XIRP2: variants seen among roughly 807,000 people sequenced by gnomAD.
XIRP2 encodes xin actin-binding repeat-containing protein 2.
In XIRP2, 236 loss-of-function variants were observed where a neutral mutation model predicts 277.0. The ratio of observed to expected loss-of-function variants is 0.85; its 90% CI spans 0.77 to 0.95. XIRP2 has a LOEUF of 0.95. Ranked by LOEUF, XIRP2 falls within the 40% of genes least tolerant of loss-of-function variation. XIRP2 has a pLI of 0.00. For synonymous variants in XIRP2, 1,490 were observed against 1,416.5 expected, an observed-to-expected ratio of 1.05 and a Z score of -1.17; for missense variants, 4,640 against 4,157.5, an observed-to-expected ratio of 1.12 and a Z score of -3.19.
At chr2:167,052,777 G>A (rs971625373) in intron 2 of XIRP2, among the ~76,000 whole-genome samples, 1 of 152,024 alleles carries the variant, frequency 6.6e-6, no homozygotes, top group Non-Finnish European at 1.5e-5. Context: ...TTTTTGTGAG[G>A]CCCAAAAGAC....
chr2:167,078,102 A>G (rs1168997106), intron 2 of XIRP2, among the ~76,000 whole-genome samples: 1 of 152,142 alleles, frequency 6.6e-6, no homozygotes, highest in Non-Finnish European at 1.5e-5. Context: ...GATTCTTCCA[A>G]TCCATGAGCA....
intron 2 of XIRP2, among the ~76,000 whole-genome samples, chr2:167,074,080 A>C (rs1160087712): frequency 3.3e-5 from 5 of 152,150 alleles, no homozygotes; most frequent in African/African-American, 1.2e-4. Flanking sequence ...TATGGGAGAA[A>C]AAACTTTAGA....
intron 2 of XIRP2, among the ~76,000 whole-genome samples, chr2:166,976,731 C>CA (rs200187750): frequency 7.8e-4 from 118 of 152,058 alleles, no homozygotes; most frequent in Middle Eastern, 3.4e-3. Flanking sequence ...AAAACAAAAA[C>CA]AAAAAAACTA....
intron 2 of XIRP2, among the ~76,000 whole-genome samples, chr2:167,027,343 T>G (rs1183989946): frequency 6.6e-6 from 1 of 152,176 alleles, no homozygotes; most frequent in Non-Finnish European, 1.5e-5. Flanking sequence ...AAGCCTTGGC[T>G]TTCAGCTCCA....
chr2:167,011,484 T>C (rs1023609424), intron 2 of XIRP2, among the ~76,000 whole-genome samples: 3 of 151,886 alleles, frequency 2.0e-5, no homozygotes, highest in South Asian at 2.1e-4. Flanking sequence ...CAGTATTTTA[T>C]TGAGGATTTT....
At chr2:167,210,086 A>T (rs1200774916) in intron 3 of XIRP2, among the ~76,000 whole-genome samples, 1 of 152,306 alleles carries the variant, frequency 6.6e-6, no homozygotes, top group South Asian at 2.1e-4. Context: ...GCTGTTTCTA[A>T]TGATACTATT....
chr2:167,029,089 G>A (rs10930261), intron 2 of XIRP2, among the ~76,000 whole-genome samples: 4,583 of 152,002 alleles, frequency 0.03, 80 homozygotes, highest in East Asian at 0.082. Flanking sequence ...TCTCAAAAGG[G>A]CAAACCTATG....
At chr2:167,114,669 C>G (rs1362954645) in intron 2 of XIRP2, among the ~76,000 whole-genome samples, 2 of 146,548 alleles carry the variant, frequency 1.4e-5, no homozygotes, top group Non-Finnish European at 3.0e-5. Context: ...TTGTTCAGTT[C>G]CCATCTATGA....
At chr2:167,079,599 C>T (rs1384961071) in intron 2 of XIRP2, among the ~76,000 whole-genome samples, 1 of 151,974 alleles carries the variant, frequency 6.6e-6, no homozygotes, top group Non-Finnish European at 1.5e-5. Flanking sequence ...TATCCATTTC[C>T]TCTCAACTTC....
At chr2:167,071,035 T>C (rs6742332) in intron 2 of XIRP2, among the ~76,000 whole-genome samples, 46,516 of 152,026 alleles carry the variant, frequency 0.31, 9,884 homozygotes, top group African/African-American at 0.61. Context: ...GTTTTCCCAA[T>C]AGCAAACCTC....
In XIRP2 at chr2:167,249,019, C is replaced by A. The variant is rs771805164; in HGVS notation, c.7627C>A (p.Pro2543Thr). ...ACCTTATATGAGAAAATTTAAGACA[C>A]CTTTAATGATTGCTGAAGAAAAATA... The part of the protein sequence containing the change: ...PKPYMRKFKT[P>T]LMIAEEKYRQ... The change falls in exon 9 of 11, where the codon CCT becomes ACT. Residue 2543 changes from proline (P) to threonine (T), a missense_variant. Pro to Thr is a conservative substitution (Grantham distance 38). Coordinates refer to ENST00000409195, the MANE Select transcript of XIRP2 (RefSeq NM_152381.6). The A allele has an allele frequency of 1.9e-6, 3 of 1,611,558 alleles. No individual in the cohort carries two copies. The highest frequency in any genetic ancestry group is 3.4e-5 in the Admixed American group (2 of 59,458).
chr2:167,248,300 C>T lies in XIRP2; in HGVS notation c.6908C>T (p.Ser2303Leu). ...CCTCCTCCACCACCTTCTAATGCAT[C>T]ATCTGAAATTGAATTTCCTCTTCCT... is the stretch of plus-strand genomic sequence containing the variant. ...SPPPPPPSNA[S>L]SEIEFPLPPP... is the part of the protein sequence containing the mutation. Residue 2303 changes from serine to leucine, a missense_variant, in exon 9 of 11, where the codon TCA (serine) becomes TTA (leucine). Transcript: ENST00000409195. The T allele has an allele frequency of 6.2e-7, 1 of 1,613,688 alleles. No homozygotes were observed. Among genetic ancestry groups the T allele is most frequent in the South Asian group, 1.1e-5 (1 of 91,074 alleles).
chr2:167,201,188 GAGAAAGAAAGAAAGAA>G (rs58329001), intron 3 of XIRP2, among the ~76,000 whole-genome samples: 11,350 of 79,252 alleles, frequency 0.14, 1,093 homozygotes, highest in Middle Eastern at 0.19. Flanking sequence ...AAGAGAGAGA[GAGAAAGAAAGAAAGAA>G]AGAAAGAAAG....
chr2:166,937,349 G>A (rs1336528437), intron 2 of XIRP2, among the ~76,000 whole-genome samples: 2 of 152,172 alleles, frequency 1.3e-5, no homozygotes, highest in African/African-American at 4.8e-5. Context: ...AGATAATCAT[G>A]TGGTTTTGGT....
chr2:167,158,126 C>G (rs1461326729), intron 3 of XIRP2, among the ~76,000 whole-genome samples: 3 of 152,174 alleles, frequency 2.0e-5, no homozygotes. Context: ...TTGTATGTGT[C>G]TTCTCAGGTT....
At chr2:167,202,109 T>C (rs576100021) in intron 3 of XIRP2, among the ~76,000 whole-genome samples, 56 of 152,206 alleles carry the variant, frequency 3.7e-4, no homozygotes, top group African/African-American at 1.2e-3. Flanking sequence ...CTGATTGTAC[T>C]AGAGAAATGT....
intron 2 of XIRP2, among the ~76,000 whole-genome samples, chr2:166,987,380 A>G (rs1407541475): frequency 1.3e-5 from 2 of 152,188 alleles, no homozygotes; most frequent in South Asian, 2.1e-4. Flanking sequence ...TCTATCCTGT[A>G]ATAGGGAGAA....
At chr2:166,995,656 C>A (rs1687202447) in intron 2 of XIRP2, among the ~76,000 whole-genome samples, 1 of 152,076 alleles carries the variant, frequency 6.6e-6, no homozygotes, top group African/African-American at 2.4e-5. Flanking sequence ...ATAAAAGAAG[C>A]AATAAAAACA....
In XIRP2 at chr2:167,251,321, A is replaced by G. The variant is rs1695494330; in HGVS notation, c.9929A>G (p.Gln3310Arg). 1.2e-6 allele frequency: 2 copies of G among 1,613,574 alleles called. No individual in the cohort carries two copies. The highest frequency in any genetic ancestry group is 2.7e-5 in the African/African-American group (2 of 74,992). ...AVPPRLSEHT[Q>R]RYEAANRTVQ... ...CCTCCTCGCCTGTCAGAGCACACAC[A>G]GAGATATGAAGCGGCCAACCGAACT... Residue 3310 changes from glutamine to arginine, a missense_variant, in exon 9 of 11, where the codon CAG becomes CGG. By Grantham distance (43) the Gln-to-Arg change is conservative. Coordinates refer to ENST00000409195, the MANE Select transcript of XIRP2 (RefSeq NM_152381.6).
Sources: allele counts gnomAD v4.1 joint callset (sites outside exome capture counted in the v4.1 genomes callset), GRCh38; gene constraint gnomAD v4.1.1; transcripts MANE v1.5; gene names NCBI Gene and HGNC (gene_info 2026-07-23, HGNC 2026-07-21).